The following CPNE4 variants were observed in gnomAD, a reference collection of about 807,000 sequenced individuals.
CPNE4 encodes the protein copine 4, also known as copine-4.
Under a neutral mutation model 67.9 loss-of-function variants are expected in CPNE4, and 25 were observed. The observed-to-expected ratio is 0.37, with a 90% CI of 0.27 to 0.51. The LOEUF (loss-of-function observed/expected upper bound fraction) is 0.51, where lower values mean the gene tolerates loss of function less well. CPNE4 is among the 20% of genes least tolerant of loss of function. The pLI is 0.93. For missense variants in CPNE4, 464 were observed against 690.8 expected, an observed-to-expected ratio of 0.67 and a Z score of 3.68; for synonymous variants, 242 against 244.9, an observed-to-expected ratio of 0.99 and a Z score of 0.11.
chr3:131,746,630 C>T (rs1215505965), intron 2 of CPNE4, among the ~76,000 whole-genome samples: 1 of 152,084 alleles, frequency 6.6e-6, no homozygotes. Flanking sequence ...TAATAGTATT[C>T]CATTGTGTAT....
intron 2 of CPNE4, among the ~76,000 whole-genome samples, chr3:131,886,702 C>G (rs993239655): frequency 2.9e-5 from 4 of 136,048 alleles, no homozygotes; most frequent in African/African-American, 7.4e-5. Flanking sequence ...TCAGTGTGAC[C>G]TGGATGTAAC....
chr3:131,699,292 C>T (rs779559877), intron 4 of CPNE4, among the ~76,000 whole-genome samples: 6 of 152,174 alleles, frequency 3.9e-5, no homozygotes, highest in Non-Finnish European at 8.8e-5. Context: ...CCACTTGTAA[C>T]TATTGAGCAC....
chr3:131,860,892 T>C (rs1399825816), intron 2 of CPNE4, among the ~76,000 whole-genome samples: 2 of 152,184 alleles, frequency 1.3e-5, no homozygotes, highest in Non-Finnish European at 2.9e-5. Context: ...CTTTAATCTC[T>C]GAGAAAAAAG....
chr3:131,662,269 G>T (rs1312557627), intron 7 of CPNE4, among the ~76,000 whole-genome samples: 1 of 152,158 alleles, frequency 6.6e-6, no homozygotes, highest in African/African-American at 2.4e-5. Flanking sequence ...GGCTCAGAGA[G>T]GCCAAAGCAA....
At chr3:131,757,885 G>A (rs1396970950) in intron 2 of CPNE4, among the ~76,000 whole-genome samples, 1 of 152,218 alleles carries the variant, frequency 6.6e-6, no homozygotes, top group Non-Finnish European at 1.5e-5. Context: ...TCAGAGGGTG[G>A]AAGCCCCAAG....
At chr3:131,674,555 T>G (rs770369132) in intron 6 of CPNE4, among the ~76,000 whole-genome samples, 11 of 151,942 alleles carry the variant, frequency 7.2e-5, no homozygotes, top group Non-Finnish European at 1.6e-4. Flanking sequence ...CTTGGTAGAT[T>G]GTATGGGTGT....
chr3:131,599,928 C>T (rs1054079513), intron 7 of CPNE4, among the ~76,000 whole-genome samples: 1 of 152,270 alleles, frequency 6.6e-6, no homozygotes, highest in Middle Eastern at 3.4e-3. Flanking sequence ...TTTCCCCAAA[C>T]AGCAAGGAAT....
chr3:131,700,054 CTTTTTTTTTT>C lies in CPNE4; in HGVS notation c.361-84_361-75del, dbSNP rs3035263. The C allele has an allele frequency of 4.1e-3, 1,055 of 254,758 alleles. 19 individuals carry two copies. The highest frequency in any genetic ancestry group is 0.028 in the African/African-American group (849 of 30,098). The allele number at this position is 254,758 out of a possible 1,614,324, so 15.8% of individuals were successfully genotyped here. A position where few individuals can be genotyped will look rare whatever the true frequency, so the allele number is the denominator to read the frequency against. The stretch of plus-strand genomic sequence containing the variant: ...TTAACTGTAGATCTATTTTTTAAAC[CTTTTTTTTTT>C]TTTTTTTTTTTTTACAAAACTCTGC... On this transcript the variant is annotated intron_variant, in intron 3 of 15. Coordinates refer to ENST00000429747, the MANE Select transcript of CPNE4 (RefSeq NM_130808.3).
intron 3 of CPNE4, among the ~76,000 whole-genome samples, chr3:131,715,556 G>A (rs1367854890): frequency 6.6e-6 from 1 of 152,220 alleles, no homozygotes; most frequent in Non-Finnish European, 1.5e-5. Flanking sequence ...TTCCTCAGCT[G>A]TAAAATGGTA....
rs148865205 is a variant in CPNE4, at chr3:132,007,573, G to A, written c.-2+26994C>T. 2.0e-4 allele frequency among the ~76,000 whole-genome samples: 31 copies of A among 152,102 alleles called. No homozygotes were observed. The East Asian group carries it at 5.8e-3, about 28-fold the overall frequency. On this transcript the variant is annotated intron_variant, in intron 1 of 15. Transcript: ENST00000429747. ...GTTGACTATCTCCACAATTTAAATG[G>A]TATGCCTTGGAGTTGTGCCATGTGA...
chr3:131,878,291 G>C (rs2087534945), intron 2 of CPNE4, among the ~76,000 whole-genome samples: 1 of 152,162 alleles, frequency 6.6e-6, no homozygotes, highest in Non-Finnish European at 1.5e-5. Context: ...ATACAGCAAT[G>C]ATAATGAACG....
upstream of CPNE4, chr3:132,035,125 G>T: frequency 1.1e-6 from 1 of 934,680 alleles, no homozygotes. Context: ...CCCGAGCTCA[G>T]GCCCCGCCCA....
At chr3:131,617,981 T>G (rs189247243) in intron 7 of CPNE4, among the ~76,000 whole-genome samples, 5 of 152,342 alleles carry the variant, frequency 3.3e-5, no homozygotes, top group South Asian at 2.1e-4. Flanking sequence ...ACAGATACTG[T>G]GCTAAATGCT....
At chr3:131,849,287 A>G (rs2086139753) in intron 2 of CPNE4, among the ~76,000 whole-genome samples, 1 of 152,088 alleles carries the variant, frequency 6.6e-6, no homozygotes. Context: ...ATAAAGAAAT[A>G]CCTGAAACTG....
intron 14 of CPNE4, among the ~76,000 whole-genome samples, chr3:131,547,111 CT>C (rs11357683): frequency 0.22 from 33,742 of 151,882 alleles, 4,237 homozygotes; most frequent in African/African-American, 0.35. Flanking sequence ...TTGGGGAAGC[CT>C]TTGCAGGGCC....
chr3:131,741,594 C>T lies in CPNE4; in HGVS notation c.181-17969G>A, dbSNP rs144478980. Among the ~76,000 whole-genome samples the T allele has an allele frequency of 1.6e-4, 25 of 152,132 alleles. 1 individual carries two copies. Among genetic ancestry groups the T allele is most frequent in the Admixed American group, 8.5e-4 (13 of 15,240 alleles). On this transcript the variant is annotated intron_variant, in intron 2 of 15. Coordinates refer to ENST00000429747, the MANE Select transcript of CPNE4 (RefSeq NM_130808.3). ...GAAATAAGTTTTCTGAAAAATCTTA[C>T]GTTACTGAAACAGGGAACACATAAA...
chr3:132,036,765 A>G (rs2074346669), upstream of CPNE4, among the ~76,000 whole-genome samples: 1 of 152,164 alleles, frequency 6.6e-6, no homozygotes, highest in Non-Finnish European at 1.5e-5. Flanking sequence ...AAAGGTGTCT[A>G]CCACCTTCTA....
intron 2 of CPNE4, among the ~76,000 whole-genome samples, chr3:131,797,393 C>T (rs1053837299): frequency 6.6e-6 from 1 of 152,174 alleles, no homozygotes; most frequent in Non-Finnish European, 1.5e-5. Context: ...GTTTACAGCA[C>T]TGACTAATCC....
In CPNE4 at chr3:131,550,056, T is replaced by C. The variant is rs778914192; in HGVS notation, c.1193A>G (p.Tyr398Cys). Residue 398 changes from tyrosine to cysteine, a missense_variant, in exon 14 of 16, where the codon TAT becomes TGT. Around this residue, in one of 6 missense-constraint regions of CPNE4, gnomAD observed 201 missense variants for 357.7 expected, o/e 0.56. Coordinates refer to ENST00000429747, the MANE Select transcript of CPNE4 (RefSeq NM_130808.3). Reference protein sequence around the residue: ...CAGIQGVVEAYQSCLPKLQLY... With the variant: ...CAGIQGVVEACQSCLPKLQLY... Reference sequence around the variant, plus strand: ...TTGGAGCTTAGGAAGACAGCTCTGATAGGCTTCCACAACTCCTTGAATTCC... The same window carrying C: ...TTGGAGCTTAGGAAGACAGCTCTGACAGGCTTCCACAACTCCTTGAATTCC... 5 of 1,613,012 alleles carry C rather than the reference T, an allele frequency of 3.1e-6. No individual in the cohort carries two copies. Among genetic ancestry groups the C allele is most frequent in the African/African-American group, 1.3e-5 (1 of 74,844 alleles).
Sources: allele counts gnomAD v4.1 joint callset (sites outside exome capture counted in the v4.1 genomes callset), GRCh38; gene constraint gnomAD v4.1.1; regional missense constraint gnomAD v4.1.1; transcripts MANE v1.5; gene names NCBI Gene and HGNC (gene_info 2026-07-23, HGNC 2026-07-21).